The following MOXD1 variants were observed in gnomAD, a reference collection of about 807,000 sequenced individuals.
MOXD1 encodes the protein DBH-like monooxygenase protein 1.
A neutral mutation model predicts 66.6 loss-of-function variants in MOXD1; 62 were observed. The ratio of observed to expected loss-of-function variants is 0.93; its 90% confidence interval spans 0.76 to 1.15. The LOEUF (loss-of-function observed/expected upper bound fraction) is 1.15. Among genes scored for constraint, MOXD1 ranks in the 50% most tolerant of loss-of-function variants. MOXD1 has a pLI of 0.00. For missense variants in MOXD1, 847 were observed against 754.6 expected, an observed-to-expected ratio of 1.12 and a Z score of -1.44; for synonymous variants, 303 against 281.9, an observed-to-expected ratio of 1.07 and a Z score of -0.75.
At chr6:132,364,596 G>T (rs1776079497) in intron 4 of MOXD1, among the ~76,000 whole-genome samples, 1 of 152,132 alleles carries the variant, frequency 6.6e-6, no homozygotes, top group Non-Finnish European at 1.5e-5. Context: ...CTTGTACACT[G>T]CACCAACTTA....
intron 2 of MOXD1, among the ~76,000 whole-genome samples, 188 bp from the exon 3 acceptor site, chr6:132,373,185 A>G (rs1388536050): frequency 6.6e-6 from 1 of 152,224 alleles, no homozygotes; most frequent in African/African-American, 2.4e-5. Context: ...GGATCCAAAT[A>G]TATGAGTTAC....
At chr6:132,332,144 T>C (rs751333697) in intron 4 of MOXD1, among the ~76,000 whole-genome samples, 6 of 152,122 alleles carry the variant, frequency 3.9e-5, no homozygotes, top group Non-Finnish European at 8.8e-5. Context: ...AAAGGGCAAA[T>C]AACAAGGCTT....
chr6:132,321,357 C>A (rs558793569), intron 8 of MOXD1, among the ~76,000 whole-genome samples: 1 of 151,986 alleles, frequency 6.6e-6, no homozygotes, highest in East Asian at 1.9e-4. Flanking sequence ...ATTTAATAAA[C>A]CTCAGACATA....
chr6:132,328,489 A>C lies in MOXD1; in HGVS notation c.769T>G (p.Cys257Gly). ...NDSVLESGHECYHPNMPDAFL... is the reference protein window; with the variant it reads ...NDSVLESGHEGYHPNMPDAFL... ...GCATCGGGCATGTTGGGGTGATAGC[A>C]CTCGTGGCCGGACTCCAGAACGCTG... Residue 257 changes from cysteine (C) to glycine (G), a missense_variant, in exon 5 of 12, where the codon TGC becomes GGC. Cys to Gly is a radical substitution (Grantham distance 159). Transcript: ENST00000367963. The C allele has an allele frequency of 6.2e-7, 1 of 1,614,036 alleles. No individual in the cohort carries two copies. The highest frequency in any genetic ancestry group is 8.5e-7 in the Non-Finnish European group (1 of 1,180,010).
intron 10 of MOXD1, among the ~76,000 whole-genome samples, chr6:132,301,350 A>T (rs1307420415): frequency 6.6e-6 from 1 of 152,012 alleles, no homozygotes; most frequent in Non-Finnish European, 1.5e-5. Flanking sequence ...ACTGCAATAC[A>T]CCATGGTAGA....
At chr6:132,352,980 A>G (rs73546044) in intron 4 of MOXD1, among the ~76,000 whole-genome samples, 2,192 of 152,236 alleles carry the variant, frequency 0.014, 67 homozygotes, top group African/African-American at 0.05. Context: ...TTTGACGTCC[A>G]TTTGCATGAA....
chr6:132,320,664 G>A lies in MOXD1; in HGVS notation c.1330C>T (p.Arg444Cys), dbSNP rs138817081. ...TCAGCTCTATCTTTCGTGTTGTAGC[G>A]ACACTCAGTAATTAGGTTATCTCCC... ...LPGDNLITEC[R>C]YNTKDRAEMT... Residue 444 changes from arginine (R) to cysteine (C), a missense_variant, in exon 9 of 12, where the codon CGC becomes TGC. Transcript: ENST00000367963. 3.6e-5 allele frequency: 58 copies of A among 1,609,904 alleles called. No individual in the cohort carries two copies. The highest frequency in any genetic ancestry group is 6.7e-5 in the African/African-American group (5 of 74,756).
chr6:132,385,484 TTATTATTATTATTATTA>T (rs1201029938), intron 1 of MOXD1, among the ~76,000 whole-genome samples: 4 of 140,412 alleles, frequency 2.8e-5, no homozygotes, highest in African/African-American at 2.6e-5. Context: ...ATTATTATTA[TTATTATTATTATTATTA>T]GAGACACAGT....
chr6:132,319,794 T>C (rs1012073494), intron 9 of MOXD1, among the ~76,000 whole-genome samples: 2 of 152,066 alleles, frequency 1.3e-5, no homozygotes, highest in African/African-American at 4.8e-5. Context: ...AGCTAACTTC[T>C]ACCTAGTTAA....
At chr6:132,377,939 C>T (rs1330311885) in intron 1 of MOXD1, among the ~76,000 whole-genome samples, 2 of 152,018 alleles carry the variant, frequency 1.3e-5, no homozygotes, top group Admixed American at 6.6e-5. Flanking sequence ...ACCAGCCTGG[C>T]CAACATGGTG....
At chr6:132,389,086 T>G (rs1776706026) in intron 1 of MOXD1, among the ~76,000 whole-genome samples, 1 of 151,170 alleles carries the variant, frequency 6.6e-6, no homozygotes, top group Non-Finnish European at 1.5e-5. Context: ...TTGCCCAGGC[T>G]GGAGTGCAGT....
intron 4 of MOXD1, 149 bp from the exon 5 acceptor site, chr6:132,328,743 T>C: frequency 1.3e-6 from 1 of 755,288 alleles, no homozygotes; most frequent in South Asian, 2.0e-5. Flanking sequence ...TCAAGTCTAA[T>C]TTGTTCTGGA....
chr6:132,401,060 A>G, intron 1 of MOXD1, 103 bp downstream of exon 1: 1 of 1,309,412 alleles, frequency 7.6e-7, no homozygotes, highest in Non-Finnish European at 9.9e-7. Context: ...GCGCCAGGTG[A>G]GAGAGAGCTG....
At chr6:132,329,870 G>A (rs541015671) in intron 4 of MOXD1, among the ~76,000 whole-genome samples, 3 of 152,094 alleles carry the variant, frequency 2.0e-5, no homozygotes, top group African/African-American at 7.2e-5. Context: ...AAAAAACATT[G>A]TTAGCTATGT....
chr6:132,324,652 T>C (rs1052526113), intron 6 of MOXD1, among the ~76,000 whole-genome samples: 1 of 152,160 alleles, frequency 6.6e-6, no homozygotes, highest in Admixed American at 6.5e-5. Context: ...GAATCCATTA[T>C]GTAAATGGCA....
intron 5 of MOXD1, 97 bp downstream of exon 5, chr6:132,328,318 C>T (rs554272573): frequency 1.5e-5 from 22 of 1,456,660 alleles, no homozygotes; most frequent in East Asian, 4.8e-5. Context: ...TCAAAAGTAG[C>T]GTTAAAGCTT....
At chr6:132,310,494 T>A (rs2114545505) in intron 10 of MOXD1, among the ~76,000 whole-genome samples, 1 of 152,280 alleles carries the variant, frequency 6.6e-6, no homozygotes, top group South Asian at 2.1e-4. Context: ...ATCCCATTCT[T>A]GGTATATACC....
Position 132,323,787 on chromosome 6 carries a change from G to A in MOXD1, c.1113+144C>T, listed in dbSNP as rs1323227380. 3 of 862,324 alleles carry A rather than the reference G, an allele frequency of 3.5e-6. No homozygotes were observed. The African/African-American group carries it at 5.3e-5, about 15-fold the overall frequency. The allele number at this position is 862,324 out of a possible 1,614,324, so 53.4% of individuals were successfully genotyped here. On this transcript the variant is annotated intron_variant, in intron 7 of 11. Transcript: ENST00000367963. ...TCAAGATTTAAAAAAGCAGTCAAAA[G>A]TCCTACTAAAATTGCGATAAGGGTT...
intron 10 of MOXD1, among the ~76,000 whole-genome samples, chr6:132,313,982 G>A (rs858375): frequency 0.52 from 78,658 of 151,970 alleles, 24,150 homozygotes; most frequent in African/African-American, 0.85. Context: ...ACATAATTAC[G>A]TCAGTCCCTT....
Sources: allele counts gnomAD v4.1 joint callset (sites outside exome capture counted in the v4.1 genomes callset), GRCh38; gene constraint gnomAD v4.1.1; transcripts MANE v1.5; gene names NCBI Gene and HGNC (gene_info 2026-07-23, HGNC 2026-07-21).